The following SYNE2 variants were observed in gnomAD, a reference collection of about 807,000 sequenced individuals.
The protein encoded by SYNE2 is nesprin-2.
In SYNE2, 431 loss-of-function variants were observed where a neutral mutation model predicts 856.3. The ratio of observed to expected loss-of-function variants is 0.50; its 90% confidence interval spans 0.47 to 0.55. The LOEUF (loss-of-function observed/expected upper bound fraction) is 0.55. SYNE2 is among the 20% of genes least tolerant of loss of function. SYNE2 has a pLI of 0.00. For synonymous variants in SYNE2, 2,923 were observed against 2,872.3 expected (o/e 1.02, Z -0.56); for missense variants, 8,129 against 8,023.2 (o/e 1.01, Z -0.50).
intron 99 of SYNE2, chr14:64,191,182 A>T (rs2098517255): frequency 3.0e-6 from 1 of 331,792 alleles, no homozygotes; most frequent in South Asian, 8.1e-5. Flanking sequence ...TATTTAAATT[A>T]TTATTTAAAT....
At chr14:63,874,342 T>C (rs1008765749) in intron 1 of SYNE2, among the ~76,000 whole-genome samples, 4 of 152,206 alleles carry the variant, frequency 2.6e-5, no homozygotes, top group Admixed American at 1.3e-4. Context: ...TAAATCCTAC[T>C]GAACGCTGTG....
chr14:64,178,578 C>G (rs576831715), intron 96 of SYNE2, among the ~76,000 whole-genome samples: 21 of 151,890 alleles, frequency 1.4e-4, no homozygotes, highest in East Asian at 1.2e-3. Context: ...CTACCTCAGC[C>G]CCCCCGAGTA....
chr14:63,802,813 T>C (rs1413125950), intron 1 of SYNE2, among the ~76,000 whole-genome samples: 2 of 152,142 alleles, frequency 1.3e-5, no homozygotes, highest in Non-Finnish European at 2.9e-5. Flanking sequence ...CGGTGAGTGT[T>C]ACAGCTCTTA....
chr14:63,820,578 A>C (rs1889176480), intron 1 of SYNE2, among the ~76,000 whole-genome samples: 1 of 152,176 alleles, frequency 6.6e-6, no homozygotes, highest in Non-Finnish European at 1.5e-5. Flanking sequence ...CTTTCTCTTC[A>C]AAAAACACTG....
intron 99 of SYNE2, among the ~76,000 whole-genome samples, chr14:64,198,041 G>A (rs929690603): frequency 2.0e-5 from 3 of 152,166 alleles, no homozygotes; most frequent in Admixed American, 6.5e-5. Context: ...GGAAGACTTC[G>A]CTTTTGTACC....
intron 84 of SYNE2, among the ~76,000 whole-genome samples, chr14:64,151,240 G>T (rs3915546): frequency 0.31 from 47,134 of 151,388 alleles, 7,516 homozygotes; most frequent in East Asian, 0.5. Context: ...GTGACCTGAG[G>T]GCTCCTCACG....
intron 54 of SYNE2, among the ~76,000 whole-genome samples, chr14:64,077,197 G>T (rs926474088): frequency 6.6e-6 from 1 of 152,088 alleles, no homozygotes; most frequent in Non-Finnish European, 1.5e-5. Flanking sequence ...GATCCCGGGG[G>T]ACAGACATAG....
chr14:64,127,389 A>G (rs960711083), intron 73 of SYNE2, among the ~76,000 whole-genome samples: 1 of 152,224 alleles, frequency 6.6e-6, no homozygotes. Flanking sequence ...AGCCTGGGCA[A>G]CATAGATCCC....
intron 98 of SYNE2, 172 bp downstream of exon 98, chr14:64,188,880 G>A: frequency 5.3e-6 from 4 of 750,608 alleles, no homozygotes; most frequent in Non-Finnish European, 9.4e-6. Flanking sequence ...GAAGAGAGGA[G>A]GTTCCAGAGA....
chr14:64,041,460 T>C lies in SYNE2; in HGVS notation c.7222-6540T>C, dbSNP rs115758091. ...GATTAATATCCAGAATACAAAAAAA[T>C]AGCCCCAAATCACTAACAACACAAT... On this transcript the variant is annotated intron_variant, in intron 45 of 115. Coordinates refer to ENST00000555002, the MANE Select transcript of SYNE2 (RefSeq NM_182914.3). 3.1e-3 allele frequency among the ~76,000 whole-genome samples: 473 copies of C among 152,198 alleles called. 1 individual carries two copies. The highest frequency in any genetic ancestry group is 0.011 in the African/African-American group (453 of 41,538).
chr14:63,773,659 TCAAA>T (rs1366935290), intron 1 of SYNE2, among the ~76,000 whole-genome samples: 2 of 152,198 alleles, frequency 1.3e-5, no homozygotes, highest in Non-Finnish European at 2.9e-5. Flanking sequence ...ACTCCTCGGT[TCAAA>T]CAATCTTCCT....
chr14:63,906,518 AT>A (rs1226417665), intron 1 of SYNE2, among the ~76,000 whole-genome samples: 2 of 152,212 alleles, frequency 1.3e-5, no homozygotes, highest in South Asian at 4.1e-4. Flanking sequence ...CAAGATTTCA[AT>A]CTCTTCCCAA....
chr14:63,986,503 A>T lies in SYNE2; in HGVS notation c.2199A>T (p.Leu733=). 1 of 1,614,184 alleles carries T rather than the reference A, an allele frequency of 6.2e-7. No individual in the cohort carries two copies. The highest frequency in any genetic ancestry group is 8.5e-7 in the Non-Finnish European group (1 of 1,180,004). ...AAAATGAAGAATTCACAGGGCAACT[A>T]AAAGTGGCTAAAGATGTTGAAAAAC... ...EKENEEFTGQ[L]KVAKDVEKLI... The change falls in exon 19 of 116, where the codon CTA becomes CTT. Residue 733 remains leucine (L), a synonymous_variant. Coordinates refer to ENST00000555002, the MANE Select transcript of SYNE2 (RefSeq NM_182914.3).
intron 99 of SYNE2, among the ~76,000 whole-genome samples, chr14:64,195,280 C>A (rs2098536021): frequency 6.6e-6 from 1 of 152,060 alleles, no homozygotes; most frequent in Non-Finnish European, 1.5e-5. Context: ...TTGTAATTTT[C>A]TTTTTGCTTA....
rs769406708 is a variant in SYNE2, at chr14:64,087,775, C to T, written c.11589C>T (p.Ser3863=). The T allele has an allele frequency of 3.7e-6, 6 of 1,614,020 alleles. No homozygotes were observed. The South Asian group carries it at 5.5e-5, about 15-fold the overall frequency. The change falls in exon 58 of 116, where the codon TCC becomes TCT. Residue 3863 remains serine (S), a synonymous_variant. Transcript: ENST00000555002. ...TTGAAACAGATGAATTAACCCAATC[C>T]ATACAAGAGTTAAGTAATCAAGTAA... ...IIFETDELTQ[S]IQELSNQVTA... is the part of the protein sequence containing the mutation.
At chr14:63,940,733 T>C in intron 3 of SYNE2, 58 bp downstream of exon 3, 1 of 1,519,932 alleles carries the variant, frequency 6.6e-7, no homozygotes, top group Non-Finnish European at 9.1e-7. Flanking sequence ...CCCTACTCCT[T>C]CTGTTTTGAC....
At chr14:64,164,168 G>A (rs1047028826) in intron 89 of SYNE2, among the ~76,000 whole-genome samples, 6 of 151,542 alleles carry the variant, frequency 4.0e-5, no homozygotes, top group Non-Finnish European at 7.4e-5. Context: ...GGAGTACAGT[G>A]GTGTGATCTC....
At chr14:63,948,808 A>ATGTGTGTGTGTGTG (rs1555393783) in intron 6 of SYNE2, among the ~76,000 whole-genome samples, 33 of 105,694 alleles carry the variant, frequency 3.1e-4, no homozygotes, top group South Asian at 1.3e-3. Flanking sequence ...ATATATATAT[A>ATGTGTGTGTGTGTG]TATATATATA....
chr14:63,937,779 A>T (rs2095851528), intron 2 of SYNE2, among the ~76,000 whole-genome samples: 8 of 152,250 alleles, frequency 5.3e-5, no homozygotes, highest in Admixed American at 5.2e-4. Flanking sequence ...CAGAGTAGTC[A>T]TGAAGTGTCA....
Sources: allele counts gnomAD v4.1 joint callset (sites outside exome capture counted in the v4.1 genomes callset), GRCh38; gene constraint gnomAD v4.1.1; transcripts MANE v1.5; gene names NCBI Gene and HGNC (gene_info 2026-07-23, HGNC 2026-07-21).